The following CUX1 variants were observed in gnomAD, a reference collection of about 807,000 sequenced individuals.
The protein encoded by CUX1 is cut like homeobox 1, also known as protein CASP.
Under a neutral mutation model 158.8 loss-of-function variants are expected in CUX1, and 31 were observed. The observed-to-expected ratio is 0.20, with a 90% CI of 0.15 to 0.26. The LOEUF (loss-of-function observed/expected upper bound fraction) is 0.26. CUX1 is among the 10% of genes least tolerant of loss of function. The pLI, the probability that CUX1 is intolerant of heterozygous loss-of-function variation, is 1.00. For missense variants in CUX1, 1,589 were observed against 2,014.6 expected (o/e 0.79, Z 4.04); for synonymous variants, 879 against 862.1 (o/e 1.02, Z -0.34).
At chr7:101,825,344 C>T (rs1204555792) in intron 1 of CUX1, among the ~76,000 whole-genome samples, 1 of 152,212 alleles carries the variant, frequency 6.6e-6, no homozygotes, top group Non-Finnish European at 1.5e-5. Context: ...GTTGCTTACA[C>T]AGTAACGCAT....
At chr7:101,927,133 T>C (rs997062625) in intron 2 of CUX1, among the ~76,000 whole-genome samples, 1 of 137,798 alleles carries the variant, frequency 7.3e-6, no homozygotes, top group Non-Finnish European at 1.6e-5. Flanking sequence ...ACTTTTTGTA[T>C]CACCTGTCAA....
At chr7:102,240,945 T>G (rs1800137577) in intron 23 of CUX1, among the ~76,000 whole-genome samples, 1 of 152,102 alleles carries the variant, frequency 6.6e-6, no homozygotes, top group African/African-American at 2.4e-5. Flanking sequence ...CTCAGCCTCC[T>G]GAGTGGCTGA....
chr7:101,943,805 A>G (rs2129142975), intron 2 of CUX1, among the ~76,000 whole-genome samples: 1 of 152,106 alleles, frequency 6.6e-6, no homozygotes, highest in African/African-American at 2.4e-5. Context: ...CCACTTAGCC[A>G]TTCCATAAAT....
At chr7:101,967,867 G>T (rs1174163050) in intron 2 of CUX1, among the ~76,000 whole-genome samples, 2 of 152,132 alleles carry the variant, frequency 1.3e-5, no homozygotes, top group Non-Finnish European at 2.9e-5. Flanking sequence ...GCTGTTACTT[G>T]GGGGAATCAT....
chr7:101,870,159 T>TG (rs1554400799), intron 1 of CUX1, among the ~76,000 whole-genome samples: 29 of 148,230 alleles, frequency 2.0e-4, no homozygotes, highest in Admixed American at 5.3e-4. Context: ...TTTTGTTTTT[T>TG]TTTTTTTTTT....
In CUX1 at chr7:102,196,758, C is replaced by G. The variant is rs1554518470; in HGVS notation, c.1347C>G (p.His449Gln). The G allele has an allele frequency of 3.7e-6, 6 of 1,614,038 alleles. No individual in the cohort carries two copies. Among genetic ancestry groups the G allele is most frequent in the Non-Finnish European group, 5.1e-6 (6 of 1,180,056 alleles). ...GEQASNTNGT[H>Q]QFSPAGLSQD... ...AGGCTTCCAATACTAATGGTACACA[C>G]CAGTTCTCACCAGCGGGGTTAAGTC... Residue 449 changes from histidine to glutamine, a missense_variant, in exon 15 of 24, where the codon CAC becomes CAG. Physicochemically the swap from His to Gln is conservative, Grantham distance 24. This residue lies in a region of CUX1 where 515 missense variants were observed against 574.4 expected (regional missense o/e 0.90). Coordinates refer to ENST00000292535, the MANE Select transcript of CUX1 (RefSeq NM_181552.4).
intron 14 of CUX1, among the ~76,000 whole-genome samples, chr7:102,267,412 T>C (rs1790889605): frequency 6.6e-6 from 1 of 151,864 alleles, no homozygotes; most frequent in Non-Finnish European, 1.5e-5. Context: ...TGCATGCCTG[T>C]AATCCCAGCT....
rs147961721 is a variant in CUX1, at chr7:101,872,770, C to T, written c.31-43345C>T. Among the ~76,000 whole-genome samples, 38 of 152,146 alleles carry T rather than the reference C, an allele frequency of 2.5e-4. 2 individuals carry two copies. In the East Asian group the frequency reaches 3.1e-3, roughly 12 times the overall value. ...TTTTCCCCCTCTCTGTTAGAGAATA[C>T]TAAAGTTATGTTGGTTTTATTTTTT... On this transcript the variant is annotated intron_variant, in intron 1 of 23. Transcript: ENST00000292535.
At chr7:102,239,034 G>A (rs782691738) in intron 22 of CUX1, among the ~76,000 whole-genome samples, 8 of 152,212 alleles carry the variant, frequency 5.3e-5, no homozygotes, top group South Asian at 4.2e-4. Flanking sequence ...TTACAGGTGC[G>A]TACCACCACG....
At chr7:102,184,722 C>T (rs1389390316) in intron 11 of CUX1, among the ~76,000 whole-genome samples, 3 of 152,118 alleles carry the variant, frequency 2.0e-5, no homozygotes, top group African/African-American at 4.8e-5. Context: ...TCATAATTCA[C>T]TGCAGCCTCA....
chr7:102,204,017 G>A (rs1795707512), intron 18 of CUX1, among the ~76,000 whole-genome samples: 1 of 152,192 alleles, frequency 6.6e-6, no homozygotes, highest in South Asian at 2.1e-4. Context: ...TGGAACCTTA[G>A]CCTTTCCCGG....
rs1449462773 is a variant in CUX1, at chr7:101,965,699, A to T, written c.141+49474A>T. On this transcript the variant is annotated intron_variant, in intron 2 of 23. Transcript: ENST00000292535. Reference sequence around the variant, plus strand: ...TGTCTCTACTAAAAATACAAAAAAAATTAGCGGGGCGTGGTGGCAGGCGCC... The same window carrying T: ...TGTCTCTACTAAAAATACAAAAAAATTTAGCGGGGCGTGGTGGCAGGCGCC... Among the ~76,000 whole-genome samples, 5 of 151,812 alleles carry T rather than the reference A, an allele frequency of 3.3e-5. No individual in the cohort carries two copies. In the East Asian group the frequency reaches 9.7e-4, roughly 30 times the overall value.
At chr7:101,817,170 G>A, upstream of CUX1, 1 of 984,316 alleles carries the variant, frequency 1.0e-6, no homozygotes, top group Non-Finnish European at 1.2e-6. This position sits in a 1 kb window ranked among gnomAD's most constrained non-coding sequence, Gnocchi z 4.1. Context: ...CCCCTAGGCA[G>A]GCCCCAAGCT....
chr7:101,898,107 G>C (rs1007011943), intron 1 of CUX1, among the ~76,000 whole-genome samples: 2 of 151,962 alleles, frequency 1.3e-5, no homozygotes, highest in Non-Finnish European at 2.9e-5. Flanking sequence ...GGAATGGTTG[G>C]GGGGGACCCA....
At chr7:101,900,735 C>T (rs1802055370) in intron 1 of CUX1, among the ~76,000 whole-genome samples, 1 of 151,856 alleles carries the variant, frequency 6.6e-6, no homozygotes, top group African/African-American at 2.4e-5. Context: ...TAGTGCAAGC[C>T]ACAGCTGTGA....
intron 21 of CUX1, among the ~76,000 whole-genome samples, chr7:102,228,125 A>G (rs1798546698): frequency 6.6e-6 from 1 of 150,660 alleles, no homozygotes; most frequent in Admixed American, 6.6e-5. Flanking sequence ...TAATTTTTGT[A>G]TTTTCAGTAG....
chr7:101,964,465 C>T (rs1389537343), intron 2 of CUX1, among the ~76,000 whole-genome samples: 2 of 152,140 alleles, frequency 1.3e-5, no homozygotes, highest in African/African-American at 2.4e-5. Flanking sequence ...GTTATCGGCC[C>T]TGAGGGTATA....
chr7:102,155,995 C>G (rs1010718079), intron 8 of CUX1, among the ~76,000 whole-genome samples: 1 of 152,176 alleles, frequency 6.6e-6, no homozygotes, highest in African/African-American at 2.4e-5. Context: ...CAGACTTTTT[C>G]TCAGACCAGT....
chr7:102,021,974 T>C (rs2129321201), intron 2 of CUX1, among the ~76,000 whole-genome samples: 2 of 152,332 alleles, frequency 1.3e-5, no homozygotes, highest in East Asian at 3.9e-4. Flanking sequence ...CTCTCGCTCC[T>C]GCAGACAGAG....
Sources: gnomAD v4.1 joint callset for allele counts (sites outside exome capture counted in the v4.1 genomes callset) on GRCh38, gnomAD v4.1.1 for gene constraint, gnomAD v4.1.1 regional missense constraint, Gnocchi (gnomAD v3.1) non-coding constraint, MANE v1.5 for transcripts, NCBI Gene and HGNC (gene_info 2026-07-23, HGNC 2026-07-21) for gene names.